The following KANK1 variants were observed in gnomAD, a reference collection of about 807,000 sequenced individuals.
KANK1 encodes the protein KN motif and ankyrin repeat domain-containing protein 1.
KANK1 carries 109 observed loss-of-function variants against 106.2 expected under a neutral mutation model. The ratio of observed to expected loss-of-function variants is 1.03; its 90% CI spans 0.88 to 1.20. The LOEUF (loss-of-function observed/expected upper bound fraction) is 1.20. Among genes scored for constraint, KANK1 ranks in the 50% most tolerant of loss-of-function variants. The pLI is 0.00. For missense variants in KANK1, 2,399 were observed against 1,710.7 expected (o/e 1.40, Z -7.10); for synonymous variants, 873 against 652.2 (o/e 1.34, Z -5.16).
intron 1 of KANK1, among the ~76,000 whole-genome samples, chr9:580,950 G>A (rs1442344177): frequency 6.6e-6 from 1 of 152,204 alleles, no homozygotes; most frequent in African/African-American, 2.4e-5. Context: ...GAGAATTGGA[G>A]CGCAGCGCTG....
chr9:524,620 C>T (rs909544632), intron 1 of KANK1, among the ~76,000 whole-genome samples: 11 of 151,668 alleles, frequency 7.3e-5, no homozygotes, highest in Non-Finnish European at 1.3e-4. Context: ...CAGGTTCAAG[C>T]GATTCTTTTG....
intron 1 of KANK1, among the ~76,000 whole-genome samples, chr9:514,577 G>A (rs923487504): frequency 1.3e-5 from 2 of 151,318 alleles, no homozygotes; most frequent in Admixed American, 1.3e-4. Flanking sequence ...ACTCTTTCGT[G>A]TCTAGCTTCT....
At chr9:608,037 T>TA (rs1431118064) in intron 1 of KANK1, among the ~76,000 whole-genome samples, 2 of 114,898 alleles carry the variant, frequency 1.7e-5, no homozygotes, top group East Asian at 4.3e-4. Flanking sequence ...TATTATTATT[T>TA]TTTTTTTTTT....
intron 1 of KANK1, among the ~76,000 whole-genome samples, chr9:655,244 G>A (rs991660281): frequency 6.6e-5 from 10 of 151,924 alleles, no homozygotes; most frequent in Non-Finnish European, 1.3e-4. Context: ...GATGGCACAC[G>A]CTTGTAATCC....
chr9:535,003 C>T (rs980326382), intron 1 of KANK1, among the ~76,000 whole-genome samples: 9 of 152,118 alleles, frequency 5.9e-5, no homozygotes, highest in African/African-American at 4.8e-5. Context: ...TGAGGATGCC[C>T]CCTTTGCCCC....
chr9:661,628 G>A (rs1207634072), intron 1 of KANK1, among the ~76,000 whole-genome samples: 1 of 152,000 alleles, frequency 6.6e-6, no homozygotes, highest in East Asian at 1.9e-4. Flanking sequence ...ATAATCCTTT[G>A]GGTATATATC....
At chr9:543,033 C>T (rs1483224819) in intron 1 of KANK1, among the ~76,000 whole-genome samples, 3 of 152,168 alleles carry the variant, frequency 2.0e-5, no homozygotes, top group African/African-American at 7.2e-5. Context: ...CTCAAATGTT[C>T]TCACCACAAA....
intron 1 of KANK1, among the ~76,000 whole-genome samples, chr9:543,274 G>C (rs1050393754): frequency 1.7e-4 from 26 of 152,032 alleles, no homozygotes; most frequent in Admixed American, 3.9e-4. Flanking sequence ...AGAACATTGA[G>C]GCCGGGCACG....
intron 2 of KANK1, among the ~76,000 whole-genome samples, chr9:688,646 G>A (rs1054482957): frequency 6.6e-6 from 1 of 151,920 alleles, no homozygotes; most frequent in Admixed American, 6.6e-5. Context: ...TGTCTGTTAA[G>A]TGCCTTGGGT....
intron 4 of KANK1, chr9:730,472 A>G: frequency 5.8e-6 from 3 of 515,238 alleles, no homozygotes; most frequent in South Asian, 4.1e-5. Context: ...CAGGCAGATC[A>G]TTTGAGGCCA....
chr9:633,877 C>A (rs1478794440), intron 1 of KANK1, among the ~76,000 whole-genome samples: 1 of 152,172 alleles, frequency 6.6e-6, no homozygotes, highest in East Asian at 1.9e-4. Context: ...GGCCCAACTC[C>A]TAGCTTCAAG....
intron 2 of KANK1, among the ~76,000 whole-genome samples, chr9:678,889 C>G (rs1037084578): frequency 6.6e-6 from 1 of 152,142 alleles, no homozygotes; most frequent in Non-Finnish European, 1.5e-5. Flanking sequence ...TTCACATGCT[C>G]AGGGGAAGGG....
intron 1 of KANK1, among the ~76,000 whole-genome samples, chr9:525,435 A>G (rs1210711834): frequency 1.3e-5 from 2 of 150,608 alleles, no homozygotes; most frequent in Admixed American, 6.6e-5. Flanking sequence ...AGTGAAGTGC[A>G]GTGGCATGAT....
At chr9:672,115 CT>C (rs1815303365) in intron 1 of KANK1, among the ~76,000 whole-genome samples, 1 of 152,156 alleles carries the variant, frequency 6.6e-6, no homozygotes, top group South Asian at 2.1e-4. Flanking sequence ...CAATAGTGCC[CT>C]TACTCTAAAT....
In KANK1 at chr9:740,972, G is replaced by A. The variant is rs7032867; in HGVS notation, c.3696+38G>A. 1,259 of 1,608,838 alleles carry A rather than the reference G, an allele frequency of 7.8e-4. 11 individuals carry two copies. In the African/African-American group the frequency reaches 0.014, roughly 19 times the overall value. Reference sequence around the variant, plus strand: ...GGTTCCTGTGCTCAGGAATGCACCCGTAACCAGCAGACAGGACTGCGGTGG... The same window carrying A: ...GGTTCCTGTGCTCAGGAATGCACCCATAACCAGCAGACAGGACTGCGGTGG... On this transcript the variant is annotated intron_variant, in intron 9 of 11. Transcript: ENST00000382297.
chr9:524,496 G>A (rs1047619836), intron 1 of KANK1, among the ~76,000 whole-genome samples: 2 of 151,510 alleles, frequency 1.3e-5, no homozygotes, highest in African/African-American at 4.9e-5. Context: ...GTTTCAAGTA[G>A]TATGTCACTT....
At position 730,159 on chromosome 9, in the gene KANK1, C is replaced by G. The variant is rs1233949695; in HGVS notation, c.2807C>G (p.Pro936Arg). 7.4e-6 allele frequency: 12 copies of G among 1,614,046 alleles called. No individual in the cohort carries two copies. Among genetic ancestry groups the G allele is most frequent in the African/African-American group, 2.7e-5 (2 of 74,900 alleles). Residue 936 changes from proline (P) to arginine (R), a missense_variant, in exon 4 of 12, where the codon CCA becomes CGA. Coordinates refer to ENST00000382297, the MANE Select transcript of KANK1 (RefSeq NM_015158.5). ...EQEVGTSEGK[P>R]ISSLDAFPTQ... ...GAAGTGGGGACCTCAGAAGGAAAGC[C>G]AATCAGCAGCCTGGATGCCTTCCCC...
intron 1 of KANK1, among the ~76,000 whole-genome samples, chr9:667,746 T>G (rs202115869): frequency 7.0e-5 from 9 of 128,422 alleles, no homozygotes; most frequent in Admixed American, 5.2e-4. Flanking sequence ...TTTTTTGTTT[T>G]GTTTTTTTTT....
chr9:646,974 C>T (rs7868682), intron 1 of KANK1, among the ~76,000 whole-genome samples: 32,709 of 150,440 alleles, frequency 0.22, 5,792 homozygotes, highest in African/African-American at 0.42. Flanking sequence ...TTGGGATTAC[C>T]GGCGTGAGCT....
Sources: allele counts gnomAD v4.1 joint callset (sites outside exome capture counted in the v4.1 genomes callset), GRCh38; gene constraint gnomAD v4.1.1; transcripts MANE v1.5; gene names NCBI Gene and HGNC (gene_info 2026-07-23, HGNC 2026-07-21).